CA5A: variants seen among roughly 807,000 people sequenced by gnomAD.
The protein encoded by CA5A is carbonic anhydrase 5A.
CA5A carries 28 observed loss-of-function variants against 37.1 expected under a neutral mutation model. That is an observed-to-expected ratio of 0.75 (90% CI 0.56 to 1.03). The LOEUF (loss-of-function observed/expected upper bound fraction) is 1.03, where lower values mean the gene tolerates loss of function less well. CA5A is among the 50% of genes least tolerant of loss of function. The pLI is 0.00. For synonymous variants in CA5A, 171 were observed against 158.4 expected, an observed-to-expected ratio of 1.08 and a Z score of -0.60; for missense variants, 444 against 399.9, an observed-to-expected ratio of 1.11 and a Z score of -0.94.
intron 3 of CA5A, among the ~76,000 whole-genome samples, chr16:87,904,238 A>C (rs536174200): frequency 6.6e-6 from 1 of 151,938 alleles, no homozygotes; most frequent in Non-Finnish European, 1.5e-5. Flanking sequence ...GCTACTCGGG[A>C]GGCTGAGGCA....
rs924353244 is a variant in CA5A, at chr16:87,918,839, C to T, written c.340+7909G>A. ...GCTCCCGATTCCCAATCCAGGTGAACAAAGAGGACAGAAAATCTGTGAAGG... is the reference window on the plus strand; with the variant it reads ...GCTCCCGATTCCCAATCCAGGTGAATAAAGAGGACAGAAAATCTGTGAAGG... On this transcript the variant is annotated intron_variant, in intron 2 of 6. Coordinates refer to ENST00000649794, the MANE Select transcript of CA5A (RefSeq NM_001739.2). 6.6e-5 allele frequency among the ~76,000 whole-genome samples: 10 copies of T among 152,156 alleles called. No individual in the cohort carries two copies. The South Asian group carries it at 1.7e-3, about 25-fold the overall frequency.
At chr16:87,907,059 A>T (rs1038950078) in intron 2 of CA5A, among the ~76,000 whole-genome samples, 1 of 152,058 alleles carries the variant, frequency 6.6e-6, no homozygotes, top group Non-Finnish European at 1.5e-5. Flanking sequence ...TCTACTAAAA[A>T]TACACAAAAT....
intron 2 of CA5A, among the ~76,000 whole-genome samples, chr16:87,920,494 G>C (rs1407487060): frequency 2.6e-5 from 4 of 151,752 alleles, no homozygotes; most frequent in Non-Finnish European, 5.9e-5. Flanking sequence ...ATTTTTAGTA[G>C]AGACGGGGTT....
At position 87,909,635 on chromosome 16, in the gene CA5A, T is replaced by C. The variant is rs142005533; in HGVS notation, c.341-4731A>G. Reference sequence around the variant, plus strand: ...TTTTTACTGGAAATGCCAGCGGGTGTGGATTCCACAGGCTCCTCTTCAGCA... The same window carrying C: ...TTTTTACTGGAAATGCCAGCGGGTGCGGATTCCACAGGCTCCTCTTCAGCA... On this transcript the variant is annotated intron_variant, in intron 2 of 6. Coordinates refer to ENST00000649794, the MANE Select transcript of CA5A (RefSeq NM_001739.2). 7.9e-4 allele frequency among the ~76,000 whole-genome samples: 121 copies of C among 152,310 alleles called. 1 individual carries two copies. The East Asian group carries it at 0.012, about 15-fold the overall frequency.
At chr16:87,920,689 C>T (rs966507655) in intron 2 of CA5A, among the ~76,000 whole-genome samples, 1 of 152,050 alleles carries the variant, frequency 6.6e-6, no homozygotes. Flanking sequence ...GTGATCTCGA[C>T]TCACTTACAA....
chr16:87,914,176 A>G (rs1434601575), intron 2 of CA5A, among the ~76,000 whole-genome samples: 1 of 152,196 alleles, frequency 6.6e-6, no homozygotes, highest in East Asian at 1.9e-4. Context: ...AACTTCTCGT[A>G]TGGAGCAGAA....
intron 2 of CA5A, among the ~76,000 whole-genome samples, chr16:87,906,935 G>C (rs1461884848): frequency 6.6e-6 from 1 of 152,094 alleles, no homozygotes; most frequent in Non-Finnish European, 1.5e-5. Context: ...CACTTTGTTA[G>C]GCCAGGCACA....
intron 1 of CA5A, among the ~76,000 whole-genome samples, chr16:87,933,900 T>C (rs1027031312): frequency 1.2e-4 from 18 of 152,196 alleles, no homozygotes; most frequent in Non-Finnish European, 1.2e-4. Context: ...TGTGGAACTC[T>C]GAAATGATTT....
intron 5 of CA5A, among the ~76,000 whole-genome samples, chr16:87,900,343 G>T (rs973779313): frequency 1.3e-5 from 2 of 152,156 alleles, no homozygotes; most frequent in African/African-American, 4.8e-5. Flanking sequence ...CAGATGGGGC[G>T]GCAGGGGGTG....
chr16:87,916,467 G>C (rs1382960698), intron 2 of CA5A, among the ~76,000 whole-genome samples: 4 of 152,102 alleles, frequency 2.6e-5, no homozygotes, highest in Non-Finnish European at 5.9e-5. Flanking sequence ...TGGGACTTGG[G>C]TCCAGTGGGG....
intron 1 of CA5A, among the ~76,000 whole-genome samples, chr16:87,935,522 C>A (rs1390560035): frequency 3.9e-5 from 6 of 152,194 alleles, no homozygotes; most frequent in African/African-American, 1.4e-4. Context: ...AGCATCTTGC[C>A]CTCCCCAGGA....
Position 87,916,509 on chromosome 16 carries a change from A to T in CA5A, c.340+10239T>A, listed in dbSNP as rs113636995. Among the ~76,000 whole-genome samples, 1,051 of 151,382 alleles carry T rather than the reference A, an allele frequency of 6.9e-3. 7 individuals are homozygous for T. Among genetic ancestry groups the T allele is most frequent in the Middle Eastern group, 0.021 (6 of 292 alleles). On this transcript the variant is annotated intron_variant, in intron 2 of 6. Coordinates refer to ENST00000649794, the MANE Select transcript of CA5A (RefSeq NM_001739.2). ...CTGACCATGTTGTGTAATGCTCACA[A>T]CCTCCCTCAGTGGAGTCACCGCTGG...
intron 5 of CA5A, among the ~76,000 whole-genome samples, chr16:87,897,225 C>A (rs570368928): frequency 3.3e-4 from 51 of 152,400 alleles, no homozygotes; most frequent in African/African-American, 1.2e-3. Flanking sequence ...CACAAGGCAG[C>A]CAATTCCCCG....
In CA5A at chr16:87,904,940, T is replaced by G. The variant is rs771900242; in HGVS notation, c.341-36A>C. ...AGGCAGTGAGACGTGTGTGTCATTT[T>G]GTCTGTTTGTTGAGCTGTGGTGTTA... On this transcript the variant is annotated intron_variant, in intron 2 of 6. Transcript: ENST00000649794. 7.2e-6 allele frequency: 10 copies of G among 1,383,096 alleles called. No individual in the cohort carries two copies. The Admixed American group carries it at 1.5e-4, about 21-fold the overall frequency. 85.7% of individuals were successfully genotyped at this position (1,383,096 alleles called of 1,614,324 possible).
intron 1 of CA5A, among the ~76,000 whole-genome samples, chr16:87,934,362 A>T (rs1473845175): frequency 6.6e-6 from 1 of 152,124 alleles, no homozygotes; most frequent in Non-Finnish European, 1.5e-5. Context: ...TGAGGCTGGG[A>T]GTTCAAGACC....
Position 87,908,557 on chromosome 16 carries a change from G to A in CA5A, c.341-3653C>T, listed in dbSNP as rs1318163936. Among the ~76,000 whole-genome samples, 14 of 152,334 alleles carry A rather than the reference G, an allele frequency of 9.2e-5. No homozygotes were observed. In the East Asian group the frequency reaches 2.7e-3, roughly 29 times the overall value. On this transcript the variant is annotated intron_variant, in intron 2 of 6. Transcript: ENST00000649794. ...AGGCATAAGTCCACTGACAGCCGAT[G>A]CCTGCCGGATCCCCACCCACAAAAC... is the stretch of plus-strand genomic sequence containing the variant.
At chr16:87,886,008 A>G (rs1182662129), downstream of CA5A, 2 of 152,176 alleles carry the variant, frequency 1.3e-5, no homozygotes, top group African/African-American at 2.4e-5. Flanking sequence ...TAAATGTTAC[A>G]TGAATTAATG....
intron 2 of CA5A, among the ~76,000 whole-genome samples, chr16:87,915,485 T>G (rs1359390308): frequency 6.7e-6 from 1 of 150,084 alleles, no homozygotes; most frequent in Non-Finnish European, 1.5e-5. Flanking sequence ...TGAGCCCAGA[T>G]GCACTTCAGC....
At chr16:87,924,176 C>T (rs1430152897) in intron 2 of CA5A, 1 of 985,344 alleles carries the variant, frequency 1.0e-6, no homozygotes, top group Non-Finnish European at 1.2e-6. Flanking sequence ...TGGTCTTGTC[C>T]TTCCAAGAAG....
Sources: allele counts gnomAD v4.1 joint callset (sites outside exome capture counted in the v4.1 genomes callset), GRCh38; gene constraint gnomAD v4.1.1; transcripts MANE v1.5; gene names NCBI Gene and HGNC (gene_info 2026-07-23, HGNC 2026-07-21).